The following PALM variants were observed in gnomAD, a reference collection of about 807,000 sequenced individuals.
The protein encoded by PALM is paralemmin.
In PALM, 18 loss-of-function variants were observed where a neutral mutation model predicts 30.7. That is an observed-to-expected ratio of 0.59 (90% CI 0.41 to 0.87). The LOEUF is 0.87. Among genes scored for constraint, PALM ranks in the 40% least tolerant of loss-of-function variants. The pLI is 0.00. For missense variants in PALM, 529 were observed against 555.4 expected, an observed-to-expected ratio of 0.95 and a Z score of 0.48; for synonymous variants, 286 against 242.8, an observed-to-expected ratio of 1.18 and a Z score of -1.66.
chr19:738,535 AAAG>A (rs1333924761), intron 7 of PALM, among the ~76,000 whole-genome samples: 3 of 151,972 alleles, frequency 2.0e-5, no homozygotes, highest in East Asian at 3.9e-4. Flanking sequence ...TCAAAAAAAA[AAAG>A]AGGGAGGACT....
chr19:726,676 T>C (rs1374792448), intron 2 of PALM, among the ~76,000 whole-genome samples: 1 of 152,172 alleles, frequency 6.6e-6, no homozygotes, highest in African/African-American at 2.4e-5. Flanking sequence ...CTAATTGTTG[T>C]ATTTTTAGTA....
intron 1 of PALM, among the ~76,000 whole-genome samples, chr19:723,892 G>A (rs1452744900): frequency 6.6e-6 from 1 of 152,070 alleles, no homozygotes; most frequent in African/African-American, 2.4e-5. Context: ...CACCGCGCCC[G>A]GCCTGCTTTT....
rs991072696 is a variant in PALM at position 747,149 on chromosome 19, C to A, written c.*335C>A. ...CCGGGGTCCTGGCGGGTGGGACCCG[C>A]AGCCTCCACGCGGCCCAGGCCAGCC... On this transcript the variant is annotated 3_prime_UTR_variant, in exon 9 of 9. Coordinates refer to ENST00000338448, the MANE Select transcript of PALM (RefSeq NM_002579.3). The A allele has an allele frequency of 1.0e-5, 3 of 287,720 alleles. No homozygotes were observed. The highest frequency in any genetic ancestry group is 5.0e-5 in the Admixed American group (1 of 20,022). 17.8% of individuals were successfully genotyped at this position (287,720 alleles called of 1,614,324 possible).
intron 7 of PALM, among the ~76,000 whole-genome samples, chr19:736,932 A>T (rs1218524901): frequency 1.3e-5 from 2 of 152,222 alleles, no homozygotes; most frequent in Admixed American, 6.5e-5. Context: ...GCACGCCTGT[A>T]ATCCCAGCTA....
In PALM at chr19:727,009, AG is replaced by A; in HGVS notation, c.60del (p.Lys21SerfsTer25). 1.5e-6 allele frequency: 1 copy of A among 649,910 alleles called. No homozygotes were observed. The highest frequency in any genetic ancestry group is 2.5e-6 in the Non-Finnish European group (1 of 399,606). 40.3% of individuals were successfully genotyped at this position (649,910 alleles called of 1,614,324 possible). A position where few individuals can be genotyped will look rare whatever the true frequency, so the allele number is the denominator to read the frequency against. On this transcript the variant is annotated frameshift_variant and splice_region_variant, in exon 3 of 9. Transcript: ENST00000338448. LOFTEE classifies it high-confidence loss of function. ...SQQERLQAIA[E>X]KRKRQAEIEN... Reference sequence around the variant, plus strand: ...GACCCCACCCGGCCCTCCCCACAGGAGAAGCGGAAGCGGCAGGCGGAGATCG... The same window carrying A: ...GACCCCACCCGGCCCTCCCCACAGGAAAGCGGAAGCGGCAGGCGGAGATCG...
chr19:721,421 AC>A (rs1568221870), intron 1 of PALM, among the ~76,000 whole-genome samples: 2 of 150,596 alleles, frequency 1.3e-5, no homozygotes, highest in Non-Finnish European at 3.0e-5. Flanking sequence ...GCCTGGCACC[AC>A]CCCCAGCTAA....
At chr19:736,412 G>C (rs371873337) in intron 7 of PALM, among the ~76,000 whole-genome samples, 4 of 152,078 alleles carry the variant, frequency 2.6e-5, no homozygotes, top group Non-Finnish European at 2.9e-5. Context: ...TGGCGCTCAC[G>C]CCTGAACATG....
intron 8 of PALM, among the ~76,000 whole-genome samples, chr19:740,747 G>C (rs1291093232): frequency 6.6e-6 from 1 of 152,228 alleles, no homozygotes; most frequent in Admixed American, 6.5e-5. Flanking sequence ...ACCCAGCTGG[G>C]CTCTGGAGGG....
Position 727,601 on chromosome 19 carries a change from C to T in PALM, c.176C>T (p.Thr59Met), listed in dbSNP as rs756317240. ...CGGGAGCGCTGGCTGCTGGAGGGGA[C>T]GCCGTCCTCGGCCTCAGAGGGGGAT... ...ALRERWLLEG[T>M]PSSASEGDED... is the part of the protein sequence containing the mutation. Residue 59 changes from threonine to methionine, a missense_variant, in exon 4 of 9, where the codon ACG becomes ATG. Transcript: ENST00000338448. 2.7e-5 allele frequency: 43 copies of T among 1,583,860 alleles called. No homozygotes were observed. The highest frequency in any genetic ancestry group is 3.7e-5 in the Admixed American group (2 of 54,680).
intron 7 of PALM, among the ~76,000 whole-genome samples, chr19:737,960 C>T (rs2033071704): frequency 6.6e-6 from 1 of 152,216 alleles, no homozygotes; most frequent in Admixed American, 6.5e-5. Flanking sequence ...GCAGGGAGAA[C>T]AGACCGTGGA....
chr19:731,205 A>G lies in PALM; in HGVS notation c.380A>G (p.Lys127Arg). The G allele has an allele frequency of 6.2e-7, 1 of 1,611,520 alleles. No individual in the cohort carries two copies. Among genetic ancestry groups the G allele is most frequent in the Non-Finnish European group, 8.5e-7 (1 of 1,179,382 alleles). ...CGGGCCCCAGCCCCGAGTCCAGCCAAGGAGGAGCGCAAGACAGAGGTGGTG... is the reference window on the plus strand; with the variant it reads ...CGGGCCCCAGCCCCGAGTCCAGCCAGGGAGGAGCGCAAGACAGAGGTGGTG... The part of the protein sequence containing the change: ...PVRAPAPSPA[K>R]EERKTEVVMN... The change falls in exon 5 of 9, where the codon AAG (lysine) becomes AGG (arginine). Residue 127 changes from lysine (K) to arginine (R), a missense_variant. By Grantham distance (26) the Lys-to-Arg change is conservative (BLOSUM62 2). Coordinates refer to ENST00000338448, the MANE Select transcript of PALM (RefSeq NM_002579.3).
At position 748,138 on chromosome 19, in the gene PALM, G is replaced by A. The variant is rs540852666; in HGVS notation, c.*1324G>A. On this transcript the variant is annotated 3_prime_UTR_variant, in exon 9 of 9. Coordinates refer to ENST00000338448, the MANE Select transcript of PALM (RefSeq NM_002579.3). Reference sequence around the variant, plus strand: ...CTGCCCCTGGGTGGCTGGGAGGAGAGGCCCTCTCGGGGGTGACCTGGGCGT... The same window carrying A: ...CTGCCCCTGGGTGGCTGGGAGGAGAAGCCCTCTCGGGGGTGACCTGGGCGT... The A allele has an allele frequency of 6.6e-6, 1 of 152,410 alleles. No individual in the cohort carries two copies. The highest frequency in any genetic ancestry group is 1.5e-5 in the Non-Finnish European group (1 of 68,052). 9.4% of individuals were successfully genotyped at this position (152,410 alleles called of 1,614,324 possible).
At chr19:727,240 CCCCGACCCCGACCCTGACCCCAA>C in intron 3 of PALM, 152 bp downstream of exon 3, 1 of 599,382 alleles carries the variant, frequency 1.7e-6, no homozygotes, top group Non-Finnish European at 2.9e-6. Context: ...CTGACCCCGA[CCCCGACCCCGACCCTGACCCCAA>C]CCTGACCCCG....
At chr19:724,171 G>A (rs747287885) in intron 1 of PALM, among the ~76,000 whole-genome samples, 4 of 152,134 alleles carry the variant, frequency 2.6e-5, no homozygotes, top group Non-Finnish European at 4.4e-5. Flanking sequence ...TTTCCTGGGC[G>A]AGTGAGCGTG....
In PALM at chr19:709,765, G is replaced by A. The variant is rs1455509765; in HGVS notation, c.5+614G>A. ...TCTCTGGGGTGTGTGAGAAGGGAGA[G>A]GAACCGGCGTTTTCCAGCGGGGCGC... On this transcript the variant is annotated intron_variant, in intron 1 of 8. Coordinates refer to ENST00000338448, the MANE Select transcript of PALM (RefSeq NM_002579.3). This position sits in a 1 kb window ranked among gnomAD's most constrained non-coding sequence, Gnocchi z 4.3. Among the ~76,000 whole-genome samples, 1 of 152,206 alleles carries A rather than the reference G, an allele frequency of 6.6e-6. No homozygotes were observed. Among genetic ancestry groups the A allele is most frequent in the Non-Finnish European group, 1.5e-5 (1 of 68,024 alleles).
chr19:721,296 C>T (rs373195653), intron 1 of PALM, among the ~76,000 whole-genome samples: 7 of 152,098 alleles, frequency 4.6e-5, no homozygotes, highest in African/African-American at 1.7e-4. Flanking sequence ...GATAGGGTTT[C>T]ACTCTGTCCC....
At chr19:715,163 GA>G (rs1460334171) in intron 1 of PALM, among the ~76,000 whole-genome samples, 1 of 152,194 alleles carries the variant, frequency 6.6e-6, no homozygotes, top group Admixed American at 6.5e-5. Context: ...AGCTACTCGG[GA>G]GGCTGAGGCA....
intron 1 of PALM, among the ~76,000 whole-genome samples, chr19:711,456 C>T (rs1032011814): frequency 3.3e-5 from 5 of 152,176 alleles, no homozygotes; most frequent in African/African-American, 9.7e-5. Flanking sequence ...CCTCCCTGCT[C>T]GCAGACCTGG....
intron 1 of PALM, among the ~76,000 whole-genome samples, chr19:710,611 C>T (rs1159805099): frequency 1.3e-5 from 2 of 151,946 alleles, no homozygotes; most frequent in Admixed American, 6.6e-5. Flanking sequence ...CCACCCCTTC[C>T]TTTCCCACGG....
Sources: allele counts gnomAD v4.1 joint callset (sites outside exome capture counted in the v4.1 genomes callset), GRCh38; gene constraint gnomAD v4.1.1; non-coding constraint Gnocchi (gnomAD v3.1); transcripts MANE v1.5; gene names NCBI Gene and HGNC (gene_info 2026-07-23, HGNC 2026-07-21).